The following RBBP8 variants were observed in gnomAD, a reference collection of about 807,000 sequenced individuals.
RBBP8 encodes DNA endonuclease RBBP8.
RBBP8 carries 88 observed loss-of-function variants against 108.3 expected under a neutral mutation model. The ratio of observed to expected loss-of-function variants is 0.81; its 90% CI spans 0.68 to 0.97. The LOEUF (loss-of-function observed/expected upper bound fraction) is 0.97, where lower values mean the gene tolerates loss of function less well. Ranked by LOEUF, RBBP8 falls within the 50% of genes least tolerant of loss-of-function variation. The probability of loss-of-function intolerance (pLI) is 0.00; values close to 1 mark genes in which losing one functional copy is unlikely to be tolerated. For synonymous variants in RBBP8, 332 were observed against 348.2 expected (o/e 0.95, Z 0.52); for missense variants, 1,023 against 1,049.0 (o/e 0.98, Z 0.34).
intron 6 of RBBP8, 46 bp downstream of exon 6, chr18:22,975,265 A>G (rs2144623219): frequency 3.1e-6 from 5 of 1,601,174 alleles, no homozygotes; most frequent in Non-Finnish European, 4.3e-6. Context: ...ATTTAGCTAT[A>G]CAAACCATGA....
intron 4 of RBBP8, among the ~76,000 whole-genome samples, chr18:22,964,468 G>A (rs373982684): frequency 1.3e-5 from 2 of 148,966 alleles, no homozygotes; most frequent in Non-Finnish European, 3.0e-5. Context: ...CCCCTCCTGC[G>A]TTTCCTTGCT....
intron 2 of RBBP8, among the ~76,000 whole-genome samples, chr18:22,943,024 G>A (rs1911233775): frequency 1.3e-5 from 2 of 151,902 alleles, no homozygotes; most frequent in South Asian, 2.1e-4. Flanking sequence ...TAATAGGACA[G>A]GATAAATATT....
At chr18:23,021,620 G>T (rs1170981431) in intron 17 of RBBP8, among the ~76,000 whole-genome samples, 1 of 152,144 alleles carries the variant, frequency 6.6e-6, no homozygotes, top group East Asian at 1.9e-4. Flanking sequence ...GAGAAGTCAT[G>T]GAGCCTTCAA....
chr18:23,006,526 G>A lies in RBBP8; in HGVS notation c.2357+94G>A, dbSNP rs149351423. On this transcript the variant is annotated intron_variant, in intron 16 of 18. Coordinates refer to ENST00000327155, the MANE Select transcript of RBBP8 (RefSeq NM_002894.3). ...TCTTTTTTCTTTTTTTTTAAAGACAGAGTCTTGCTCTGTCACCCAGGCTAG... is the reference window on the plus strand; with the variant it reads ...TCTTTTTTCTTTTTTTTTAAAGACAAAGTCTTGCTCTGTCACCCAGGCTAG... The A allele has an allele frequency of 2.9e-3, 3,203 of 1,113,204 alleles. 66 individuals carry two copies. The African/African-American group carries it at 0.043, about 15-fold the overall frequency. The allele number at this position is 1,113,204 out of a possible 1,614,324, so 69.0% of individuals were successfully genotyped here.
intron 6 of RBBP8, among the ~76,000 whole-genome samples, chr18:22,975,616 G>A (rs897998): frequency 0.99 from 150,337 of 152,066 alleles, 74,338 homozygotes; most frequent in East Asian, 1. Context: ...TCCTTCCTCT[G>A]TTTTTCTCCC....
At position 22,952,206 on chromosome 18, in the gene RBBP8, A is replaced by T. The variant is rs188318904; in HGVS notation, c.248+2493A>T. 2.0e-5 allele frequency among the ~76,000 whole-genome samples: 3 copies of T among 152,304 alleles called. No homozygotes were observed. In the East Asian group the frequency reaches 5.8e-4, roughly 29 times the overall value. On this transcript the variant is annotated intron_variant, in intron 4 of 18. Transcript: ENST00000327155. The stretch of plus-strand genomic sequence containing the variant: ...TGATGGAAACCACTTAAGCAGGAGA[A>T]TAACAAAGGGATATAAGTAGGTAGC...
intron 3 of RBBP8, among the ~76,000 whole-genome samples, chr18:22,922,552 T>C (rs1045865715): frequency 2.0e-5 from 3 of 152,092 alleles, no homozygotes; most frequent in African/African-American, 7.2e-5. Flanking sequence ...AACCTCCACC[T>C]CCCAGGCTGA....
upstream of RBBP8, among the ~76,000 whole-genome samples, chr18:22,931,788 G>A (rs903305763): frequency 6.6e-6 from 1 of 152,124 alleles, no homozygotes; most frequent in Non-Finnish European, 1.5e-5. Flanking sequence ...CCAGATGTCT[G>A]ACTTCAGAGC....
chr18:22,949,775 A>T (rs1050128038), intron 4 of RBBP8, 62 bp downstream of exon 4: 4 of 1,244,912 alleles, frequency 3.2e-6, no homozygotes, highest in Admixed American at 1.7e-5. Flanking sequence ...AAGTACATTG[A>T]CTTTCATTTG....
intron 8 of RBBP8, among the ~76,000 whole-genome samples, chr18:22,988,586 T>C (rs1915482284): frequency 6.6e-6 from 1 of 152,252 alleles, no homozygotes; most frequent in South Asian, 2.1e-4. Context: ...ATTCTGTGTT[T>C]AAATCACCCC....
At chr18:23,008,878 A>G (rs1329456097) in intron 16 of RBBP8, among the ~76,000 whole-genome samples, 1 of 139,936 alleles carries the variant, frequency 7.1e-6, no homozygotes, top group Admixed American at 8.0e-5. Flanking sequence ...GGTTCACGCC[A>G]TTCTCCTGCC....
chr18:22,966,498 G>T (rs1029780047), intron 4 of RBBP8, among the ~76,000 whole-genome samples: 3 of 151,040 alleles, frequency 2.0e-5, no homozygotes, highest in Admixed American at 2.0e-4. Context: ...CAGTACTTTG[G>T]GAGGCCAGGG....
chr18:22,946,982 A>G (rs965878563), intron 3 of RBBP8, among the ~76,000 whole-genome samples: 2 of 152,108 alleles, frequency 1.3e-5, no homozygotes, highest in Non-Finnish European at 2.9e-5. Context: ...TGTTTTGCTT[A>G]TAAAGTTCTA....
At chr18:22,979,814 A>C (rs1914771710) in intron 6 of RBBP8, among the ~76,000 whole-genome samples, 1 of 152,342 alleles carries the variant, frequency 6.6e-6, no homozygotes, top group East Asian at 1.9e-4. Context: ...GGAATCTGGG[A>C]ATGTCTCCTA....
chr18:22,937,242 G>A (rs1376522442), intron 2 of RBBP8: 3 of 408,234 alleles, frequency 7.3e-6, no homozygotes, highest in Non-Finnish European at 1.4e-5. Flanking sequence ...CCCAGTACCT[G>A]TTGTTCCCCT....
At chr18:23,019,984 G>A (rs183552089) in intron 17 of RBBP8, among the ~76,000 whole-genome samples, 2,162 of 151,522 alleles carry the variant, frequency 0.014, 212 homozygotes, top group Admixed American at 0.13. Flanking sequence ...GGATGGTCTC[G>A]ATCTCCTGAC....
upstream of RBBP8, among the ~76,000 whole-genome samples, chr18:22,931,339 A>G (rs1425432387): frequency 1.3e-5 from 2 of 152,134 alleles, no homozygotes; most frequent in African/African-American, 4.8e-5. Flanking sequence ...AATAAAGCCA[A>G]AGGGGTAGCA....
intron 4 of RBBP8, among the ~76,000 whole-genome samples, chr18:22,966,491 T>A (rs958285081): frequency 4.6e-5 from 7 of 150,928 alleles, no homozygotes; most frequent in African/African-American, 1.7e-4. Context: ...GTAATCCCAG[T>A]ACTTTGGGAG....
chr18:22,987,513 G>A (rs1915411453), intron 8 of RBBP8, among the ~76,000 whole-genome samples: 1 of 152,046 alleles, frequency 6.6e-6, no homozygotes, highest in Admixed American at 6.6e-5. Flanking sequence ...GAGTGCAGTG[G>A]CACAAACACA....
Sources: gnomAD v4.1 joint callset for allele counts (sites outside exome capture counted in the v4.1 genomes callset) on GRCh38, gnomAD v4.1.1 for gene constraint, MANE v1.5 for transcripts, NCBI Gene and HGNC (gene_info 2026-07-23, HGNC 2026-07-21) for gene names.